Variants in CAMSAP1 observed in about 807,000 individuals in gnomAD.
The protein encoded by CAMSAP1 is calmodulin regulated spectrin associated protein 1.
Under a neutral mutation model 143.5 loss-of-function variants are expected in CAMSAP1, and 58 were observed. The ratio of observed to expected loss-of-function variants is 0.40; its 90% confidence interval spans 0.33 to 0.50. The LOEUF is 0.50. CAMSAP1 is among the 20% of genes least tolerant of loss of function. The probability of loss-of-function intolerance (pLI) is 0.45; values close to 1 mark genes in which losing one functional copy is unlikely to be tolerated. For synonymous variants in CAMSAP1, 945 were observed against 859.3 expected (o/e 1.10, Z -1.74); for missense variants, 1,969 against 2,115.7 (o/e 0.93, Z 1.36).
At chr9:135,873,370 T>C (rs1837628587) in intron 3 of CAMSAP1, among the ~76,000 whole-genome samples, 2 of 151,348 alleles carry the variant, frequency 1.3e-5, no homozygotes. Context: ...GCCTTCAAAA[T>C]GAAAAAAGAC....
intron 3 of CAMSAP1, among the ~76,000 whole-genome samples, chr9:135,876,445 T>C (rs1344973022): frequency 1.3e-5 from 2 of 152,142 alleles, no homozygotes; most frequent in East Asian, 3.9e-4. Context: ...CATAAAAGAA[T>C]GTAGACAAGC....
chr9:135,824,129 A>C lies in CAMSAP1; in HGVS notation c.1316-95T>G, dbSNP rs954933332. On this transcript the variant is annotated intron_variant, in intron 9 of 16. Transcript: ENST00000389532. The surrounding 1 kb of genome is among the most constrained non-coding windows in gnomAD (Gnocchi z 4.1). ...CCATTTGTCCAGAAAAATGCCTCTC[A>C]AGTCAGTACACCAGAAGGGCCGCAT... The C allele has an allele frequency of 8.5e-6, 9 of 1,059,434 alleles. No homozygotes were observed. Among genetic ancestry groups the C allele is most frequent in the Non-Finnish European group, 1.3e-5 (9 of 703,340 alleles). The allele number at this position is 1,059,434 out of a possible 1,614,324, so 65.6% of individuals were successfully genotyped here.
At chr9:135,901,747 C>T (rs780311256) in intron 1 of CAMSAP1, among the ~76,000 whole-genome samples, 4 of 152,168 alleles carry the variant, frequency 2.6e-5, no homozygotes, top group Non-Finnish European at 5.9e-5. Flanking sequence ...CTCGCTCTCT[C>T]GGCACGACAT....
At chr9:135,828,516 T>G (rs1835752907) in intron 7 of CAMSAP1, among the ~76,000 whole-genome samples, 3 of 152,116 alleles carry the variant, frequency 2.0e-5, no homozygotes, top group Admixed American at 2.0e-4. Context: ...CCGGAGAAGC[T>G]AAACCCCCAA....
At chr9:135,862,765 T>G (rs1275172812) in intron 4 of CAMSAP1, among the ~76,000 whole-genome samples, 157 bp from the exon 5 acceptor site, 1 of 152,164 alleles carries the variant, frequency 6.6e-6, no homozygotes, top group Non-Finnish European at 1.5e-5. Context: ...ACGTCTGGAT[T>G]ACGTACTTTG....
At chr9:135,903,261 TGAC>T (rs1399392751) in intron 1 of CAMSAP1, among the ~76,000 whole-genome samples, 1 of 152,272 alleles carries the variant, frequency 6.6e-6, no homozygotes, top group African/African-American at 2.4e-5. Flanking sequence ...CAAAATGTGA[TGAC>T]TAGTCAGGTT....
At chr9:135,835,497 G>C (rs567690858) in intron 7 of CAMSAP1, among the ~76,000 whole-genome samples, 11 of 152,352 alleles carry the variant, frequency 7.2e-5, no homozygotes, top group African/African-American at 2.6e-4. Context: ...CTGGTCAGCA[G>C]AGTCACAGAA....
intron 5 of CAMSAP1, among the ~76,000 whole-genome samples, chr9:135,856,733 C>T (rs1261588212): frequency 1.3e-5 from 2 of 152,244 alleles, no homozygotes; most frequent in African/African-American, 4.8e-5. Flanking sequence ...CTGGGTTACA[C>T]AGTGTCTCTA....
Position 135,838,413 on chromosome 9 carries a change from G to A in CAMSAP1, c.1046-10829C>T, listed in dbSNP as rs557101338. On this transcript the variant is annotated intron_variant, in intron 7 of 16. Coordinates refer to ENST00000389532, the MANE Select transcript of CAMSAP1 (RefSeq NM_015447.4). ...CCGTTCTACAGACACACATCATCAC[G>A]CACTTTCCACCCGTTCTACAGACAC... Among the ~76,000 whole-genome samples, 412 of 125,822 alleles carry A rather than the reference G, an allele frequency of 3.3e-3. 5 individuals carry two copies. The highest frequency in any genetic ancestry group is 0.012 in the African/African-American group (381 of 32,946). The allele number at this position is 125,822 out of a possible 152,430, so 82.5% of individuals were successfully genotyped here.
intron 7 of CAMSAP1, among the ~76,000 whole-genome samples, chr9:135,837,689 TA>T (rs1564431181): frequency 6.8e-6 from 1 of 146,996 alleles, no homozygotes; most frequent in Admixed American, 6.7e-5. Flanking sequence ...CTACCCATTC[TA>T]GAGACACACG....
chr9:135,824,717 T>A lies in CAMSAP1; in HGVS notation c.1315+72A>T, dbSNP rs1835609423. The A allele has an allele frequency of 6.3e-6, 7 of 1,115,820 alleles. No homozygotes were observed. Among genetic ancestry groups the A allele is most frequent in the Non-Finnish European group, 8.9e-6 (7 of 790,776 alleles). 69.1% of individuals were successfully genotyped at this position (1,115,820 alleles called of 1,614,324 possible). Reference sequence around the variant, plus strand: ...ACTACATCAGATAAAATGATTTAATTTTGAGAAATATGATTTTACTAATCT... The same window carrying A: ...ACTACATCAGATAAAATGATTTAATATTGAGAAATATGATTTTACTAATCT... On this transcript the variant is annotated intron_variant, in intron 9 of 16. Transcript: ENST00000389532. This position sits in a 1 kb window ranked among gnomAD's most constrained non-coding sequence, Gnocchi z 4.1.
intron 7 of CAMSAP1, 157 bp downstream of exon 7, chr9:135,849,980 T>TCCCCAGGC (rs1836715544): frequency 1.8e-6 from 1 of 555,876 alleles, no homozygotes; most frequent in African/African-American, 1.9e-5. Context: ...TTAGAAAGCC[T>TCCCCAGGC]TTCCCCAAAC....
rs1421673829 is a variant in CAMSAP1 at position 135,907,537 on chromosome 9, G to C, written c.-378C>G. On this transcript the variant is annotated 5_prime_UTR_variant, in exon 1 of 17. Transcript: ENST00000389532. ...GGCTGAGGCGGTGGCCAAGGAGCGGGAGCGCGCTCACCGCCGGGGCCTCGC... is the reference window on the plus strand; with the variant it reads ...GGCTGAGGCGGTGGCCAAGGAGCGGCAGCGCGCTCACCGCCGGGGCCTCGC... Among the ~76,000 whole-genome samples, 1 of 149,760 alleles carries C rather than the reference G, an allele frequency of 6.7e-6. No individual in the cohort carries two copies. Among genetic ancestry groups the C allele is most frequent in the Non-Finnish European group, 1.5e-5 (1 of 66,922 alleles).
chr9:135,809,387 T>TTC lies in CAMSAP1; in HGVS notation c.*1920_*1921dup. 6.6e-6 allele frequency: 1 copy of TTC among 152,298 alleles called. No homozygotes were observed. Among genetic ancestry groups the TTC allele is most frequent in the East Asian group, 1.9e-4 (1 of 5,188 alleles). The allele number at this position is 152,298 out of a possible 1,614,324, so 9.4% of individuals were successfully genotyped here. ...TTCCATGGAGAAAATCCAGAATTGA[T>TTC]TCAGACGTCCCATGGGAATGCAATT... On this transcript the variant is annotated 3_prime_UTR_variant, in exon 17 of 17. Coordinates refer to ENST00000389532, the MANE Select transcript of CAMSAP1 (RefSeq NM_015447.4).
chr9:135,863,247 A>C (rs1476606667), intron 4 of CAMSAP1, among the ~76,000 whole-genome samples: 2 of 152,182 alleles, frequency 1.3e-5, no homozygotes, highest in African/African-American at 2.4e-5. Flanking sequence ...CTGCATTTAC[A>C]GAAAGCCACA....
At chr9:135,896,233 A>C (rs1464206464) in intron 1 of CAMSAP1, among the ~76,000 whole-genome samples, 3 of 152,172 alleles carry the variant, frequency 2.0e-5, no homozygotes, top group Non-Finnish European at 4.4e-5. Flanking sequence ...ACGCCATTCA[A>C]ACACTTTTTT....
Position 135,907,351 on chromosome 9 carries a change from G to A in CAMSAP1, c.-192C>T, listed in dbSNP as rs1838817697. 5.3e-6 allele frequency: 1 copy of A among 187,342 alleles called. No homozygotes were observed. Among genetic ancestry groups the A allele is most frequent in the Non-Finnish European group, 9.8e-6 (1 of 102,536 alleles). The allele number at this position is 187,342 out of a possible 1,614,324, so 11.6% of individuals were successfully genotyped here. ...CGCCCCCGCGGCTGCTGCATGCTGCGGGCGCTGAGCCCGAGCGGAGGAGGT... is the reference window on the plus strand; with the variant it reads ...CGCCCCCGCGGCTGCTGCATGCTGCAGGCGCTGAGCCCGAGCGGAGGAGGT... On this transcript the variant is annotated 5_prime_UTR_variant, in exon 1 of 17. Coordinates refer to ENST00000389532, the MANE Select transcript of CAMSAP1 (RefSeq NM_015447.4).
Position 135,907,021 on chromosome 9 carries a change from A to G in CAMSAP1, c.139T>C (p.Cys47Arg). 3 of 1,168,912 alleles carry G rather than the reference A, an allele frequency of 2.6e-6. No individual in the cohort carries two copies. The highest frequency in any genetic ancestry group is 4.0e-5 in the Admixed American group (1 of 25,118). 72.4% of individuals were successfully genotyped at this position (1,168,912 alleles called of 1,614,324 possible). A position where few individuals can be genotyped will look rare whatever the true frequency, so the allele number is the denominator to read the frequency against. The change falls in exon 1 of 17, where the codon TGC becomes CGC. Residue 47 changes from cysteine to arginine, a missense_variant. Coordinates refer to ENST00000389532, the MANE Select transcript of CAMSAP1 (RefSeq NM_015447.4). ...AKIAANLQWI[C>R]AKAYGRDNIP... Reference sequence around the variant, plus strand: ...CCACCTCGGCCGTAGGCCTTGGCGCAGATCCACTGCAGGTTGGCGGCGATC... The same window carrying G: ...CCACCTCGGCCGTAGGCCTTGGCGCGGATCCACTGCAGGTTGGCGGCGATC...
chr9:135,872,352 A>G (rs140425786), intron 3 of CAMSAP1, among the ~76,000 whole-genome samples: 1 of 152,350 alleles, frequency 6.6e-6, no homozygotes, highest in Non-Finnish European at 1.5e-5. Flanking sequence ...TTTGACTTGC[A>G]GGCAGCCTGT....
Sources: gnomAD v4.1 joint callset for allele counts (sites outside exome capture counted in the v4.1 genomes callset) on GRCh38, gnomAD v4.1.1 for gene constraint, Gnocchi (gnomAD v3.1) non-coding constraint, MANE v1.5 for transcripts, NCBI Gene and HGNC (gene_info 2026-07-23, HGNC 2026-07-21) for gene names.